Variants in RMDN2 observed in about 807,000 individuals in gnomAD.
The protein encoded by RMDN2 is regulator of microtubule dynamics protein 2.
RMDN2 carries 61 observed loss-of-function variants against 52.8 expected under a neutral mutation model. The ratio of observed to expected loss-of-function variants is 1.16; its 90% CI spans 0.94 to 1.43. The LOEUF (loss-of-function observed/expected upper bound fraction) is 1.43. Ranked by LOEUF, RMDN2 falls within the 40% of genes most tolerant of loss-of-function variation. The pLI is 0.00. For synonymous variants in RMDN2, 180 were observed against 153.1 expected, an observed-to-expected ratio of 1.18 and a Z score of -1.30; for missense variants, 592 against 475.3, an observed-to-expected ratio of 1.25 and a Z score of -2.28.
downstream of RMDN2, among the ~76,000 whole-genome samples, chr2:38,020,303 G>A (rs1451576107): frequency 4.6e-5 from 7 of 151,554 alleles, no homozygotes; most frequent in African/African-American, 1.2e-4. Context: ...TAGGGGTGAC[G>A]GGAGACCGTG....
At chr2:38,001,658 T>C (rs973331525) in intron 8 of RMDN2, among the ~76,000 whole-genome samples, 1 of 152,212 alleles carries the variant, frequency 6.6e-6, no homozygotes, top group East Asian at 1.9e-4. Flanking sequence ...ATCCCCAATA[T>C]GGGATTCGGA....
chr2:37,962,839 C>G lies in RMDN2; in HGVS notation c.453-11201C>G, dbSNP rs11689996. ...CCAGGGCCCTTTTGGTGTAGGCACC[C>G]GAGGGAATCTCGCGGTCTGCGGGTT... On this transcript the variant is annotated intron_variant, in intron 2 of 10. Transcript: ENST00000354545. Among the ~76,000 whole-genome samples, 5 of 151,774 alleles carry G rather than the reference C, an allele frequency of 3.3e-5. No homozygotes were observed. The South Asian group carries it at 8.3e-4, about 25-fold the overall frequency.
intron 10 of RMDN2, among the ~76,000 whole-genome samples, chr2:38,066,176 G>A (rs942711144): frequency 2.0e-5 from 3 of 152,174 alleles, no homozygotes; most frequent in Admixed American, 6.5e-5. Context: ...AGGCAATAAT[G>A]CATTAGAGTT....
chr2:37,973,987 T>C (rs1037705106), intron 2 of RMDN2, 53 bp from the exon 3 acceptor site: 93 of 1,376,364 alleles, frequency 6.8e-5, no homozygotes, highest in Non-Finnish European at 9.2e-5. Context: ...AGGAATGCTC[T>C]GGCTATTATA....
intron 10 of RMDN2, among the ~76,000 whole-genome samples, chr2:38,024,173 C>T (rs1234140245): frequency 6.6e-6 from 1 of 152,080 alleles, no homozygotes; most frequent in Non-Finnish European, 1.5e-5. Flanking sequence ...CCATAGTTTG[C>T]TTCTCCACTC....
chr2:37,935,844 A>T (rs1364777676), intron 2 of RMDN2, among the ~76,000 whole-genome samples: 3 of 152,180 alleles, frequency 2.0e-5, no homozygotes, highest in Admixed American at 1.3e-4. Context: ...CCTTTGAATG[A>T]ATATACCTTA....
intron 2 of RMDN2, among the ~76,000 whole-genome samples, chr2:37,945,361 A>C (rs574084018): frequency 4.8e-4 from 73 of 152,128 alleles, no homozygotes; most frequent in South Asian, 1.9e-3. Context: ...AAGCCCTTGC[A>C]CTCTTAGAGC....
In RMDN2 at chr2:37,928,577, G is replaced by A. The variant is rs115714324; in HGVS notation, c.-16-685G>A. Among the ~76,000 whole-genome samples the A allele has an allele frequency of 6.2e-3, 949 of 152,224 alleles. 12 individuals are homozygous for A. The highest frequency in any genetic ancestry group is 0.021 in the African/African-American group (888 of 41,542). The stretch of plus-strand genomic sequence containing the variant: ...TAGAACAGTGAAGCAATCAAAGAGA[G>A]CTTGCATAACCTCCCACCACTGCAT... On this transcript the variant is annotated intron_variant, in intron 1 of 10. Transcript: ENST00000354545.
intron 4 of RMDN2, among the ~76,000 whole-genome samples, chr2:37,979,194 T>C (rs1672976560): frequency 6.6e-6 from 1 of 152,136 alleles, no homozygotes; most frequent in Non-Finnish European, 1.5e-5. Context: ...TTCAAAATTA[T>C]TTTGTCAAGG....
At chr2:38,065,214 GGATGA>G (rs1343129716) in intron 10 of RMDN2, among the ~76,000 whole-genome samples, 1 of 152,026 alleles carries the variant, frequency 6.6e-6, no homozygotes. Flanking sequence ...TTAAGCAACA[GGATGA>G]GATATGTACA....
intron 3 of RMDN2, chr2:37,974,629 C>G (rs969661898): frequency 8.1e-6 from 1 of 123,816 alleles, no homozygotes; most frequent in African/African-American, 3.6e-5. Flanking sequence ...AGAGCTCTTA[C>G]CACCACCACT....
At chr2:38,060,872 C>T (rs1682017902) in intron 10 of RMDN2, among the ~76,000 whole-genome samples, 1 of 152,196 alleles carries the variant, frequency 6.6e-6, no homozygotes. Flanking sequence ...GAACACGAGG[C>T]TGCCTGCTTT....
At chr2:37,939,369 T>C (rs763776094) in intron 2 of RMDN2, among the ~76,000 whole-genome samples, 12 of 152,196 alleles carry the variant, frequency 7.9e-5, no homozygotes, top group Non-Finnish European at 1.5e-4. Context: ...TATATTCTGT[T>C]GATGTGTGGT....
At chr2:38,035,710 T>C (rs1178656923) in intron 10 of RMDN2, among the ~76,000 whole-genome samples, 2 of 152,182 alleles carry the variant, frequency 1.3e-5, no homozygotes, top group Admixed American at 1.3e-4. Flanking sequence ...GGGAAACAGA[T>C]AGGATAGGCT....
At chr2:37,963,797 C>T (rs1229766134) in intron 2 of RMDN2, among the ~76,000 whole-genome samples, 19 of 152,318 alleles carry the variant, frequency 1.2e-4, no homozygotes, top group Middle Eastern at 3.4e-3. Context: ...AAACCGCCAT[C>T]GTCATCATGG....
At chr2:37,960,097 G>A (rs921157803) in intron 2 of RMDN2, among the ~76,000 whole-genome samples, 6 of 152,148 alleles carry the variant, frequency 3.9e-5, no homozygotes, top group African/African-American at 1.4e-4. Flanking sequence ...GCTATGTGGT[G>A]CTGAGAAGAA....
intron 2 of RMDN2, among the ~76,000 whole-genome samples, chr2:37,968,845 G>T (rs1209880534): frequency 6.6e-6 from 1 of 152,236 alleles, no homozygotes; most frequent in Non-Finnish European, 1.5e-5. Flanking sequence ...ATGCCTTTGG[G>T]AGGAGGGCTG....
chr2:38,043,588 G>A (rs760931029), intron 10 of RMDN2, among the ~76,000 whole-genome samples: 2 of 151,858 alleles, frequency 1.3e-5, no homozygotes, highest in African/African-American at 4.8e-5. Flanking sequence ...CTCTTCTTCT[G>A]CCTTCTCTGG....
At chr2:38,010,806 G>T (rs185727397) in intron 10 of RMDN2, among the ~76,000 whole-genome samples, 2 of 152,274 alleles carry the variant, frequency 1.3e-5, no homozygotes, top group African/African-American at 2.4e-5. Flanking sequence ...CATCACTCAC[G>T]CTCGGAGCTG....
Sources: allele counts gnomAD v4.1 joint callset (sites outside exome capture counted in the v4.1 genomes callset), GRCh38; gene constraint gnomAD v4.1.1; transcripts MANE v1.5; gene names NCBI Gene and HGNC (gene_info 2026-07-23, HGNC 2026-07-21).